UNC13C: variants seen among roughly 807,000 people sequenced by gnomAD.
UNC13C encodes the protein protein unc-13 homolog C.
In UNC13C, 174 loss-of-function variants were observed where a neutral mutation model predicts 245.4. The observed-to-expected ratio is 0.71, with a 90% confidence interval of 0.63 to 0.80. The LOEUF (loss-of-function observed/expected upper bound fraction) is 0.80, where lower values mean the gene tolerates loss of function less well. UNC13C is among the 30% of genes least tolerant of loss of function. The pLI, the probability that UNC13C is intolerant of heterozygous loss-of-function variation, is 0.00. For missense variants in UNC13C, 2,829 were observed against 2,602.9 expected (o/e 1.09, Z -1.89); for synonymous variants, 992 against 895.1 (o/e 1.11, Z -1.93).
rs577965999 is a variant in UNC13C, at chr15:54,162,844, C to G, written c.3071+19160C>G. 2.0e-5 allele frequency among the ~76,000 whole-genome samples: 3 copies of G among 152,188 alleles called. No homozygotes were observed. The East Asian group carries it at 5.8e-4, about 29-fold the overall frequency. ...TGAATAATCCCTTGTTAAAACTCAA[C>G]AAGATTAAGCATGAGGGTGAAATCA... On this transcript the variant is annotated intron_variant, in intron 4 of 32. Transcript: ENST00000260323.
intron 2 of UNC13C, among the ~76,000 whole-genome samples, chr15:54,109,789 G>T (rs180895003): frequency 2.3e-4 from 35 of 152,082 alleles, no homozygotes; most frequent in African/African-American, 8.4e-4. Flanking sequence ...GAGTTGCTGG[G>T]GTAGGGATGG....
At chr15:54,364,214 C>T (rs1226322045) in intron 17 of UNC13C, among the ~76,000 whole-genome samples, 5 of 152,018 alleles carry the variant, frequency 3.3e-5, no homozygotes, top group Non-Finnish European at 7.4e-5. Context: ...GATTACAAAA[C>T]ATGACATTTA....
intron 2 of UNC13C, among the ~76,000 whole-genome samples, chr15:54,028,564 C>T (rs1896215599): frequency 1.3e-5 from 2 of 152,156 alleles, no homozygotes; most frequent in African/African-American, 2.4e-5. Context: ...CCCTCATCTC[C>T]TGCGAGGCAA....
intron 26 of UNC13C, among the ~76,000 whole-genome samples, chr15:54,543,808 G>A (rs1447814576): frequency 3.3e-5 from 5 of 151,802 alleles, no homozygotes; most frequent in African/African-American, 4.8e-5. Flanking sequence ...AATTAATAAT[G>A]TACCAACCAA....
chr15:53,982,428 T>G (rs1474269051), intron 1 of UNC13C, among the ~76,000 whole-genome samples: 4 of 148,230 alleles, frequency 2.7e-5, no homozygotes, highest in Admixed American at 7.2e-5. Flanking sequence ...GGGTGGCTAT[T>G]TCCTTTATAG....
At chr15:54,100,755 C>G (rs1900121482) in intron 2 of UNC13C, among the ~76,000 whole-genome samples, 1 of 151,926 alleles carries the variant, frequency 6.6e-6, no homozygotes, top group Admixed American at 6.6e-5. Flanking sequence ...ATTTCAAAAC[C>G]TTTCTTTCTA....
At chr15:54,082,279 G>T (rs1460169790) in intron 2 of UNC13C, among the ~76,000 whole-genome samples, 1 of 152,030 alleles carries the variant, frequency 6.6e-6, no homozygotes, top group East Asian at 1.9e-4. Context: ...TATCTCGCAG[G>T]TGTTCTCTGA....
At chr15:54,443,860 A>G (rs555274452) in intron 19 of UNC13C, among the ~76,000 whole-genome samples, 2 of 152,204 alleles carry the variant, frequency 1.3e-5, no homozygotes, top group East Asian at 3.9e-4. Flanking sequence ...TATACTGATG[A>G]GAAGAATGTA....
chr15:53,901,159 A>C, the UNC13C span, among the ~76,000 whole-genome samples: 1 of 151,650 alleles, frequency 6.6e-6, no homozygotes, highest in Non-Finnish European at 1.5e-5. Context: ...TTATAAAAAG[A>C]ATTTCTCCAT....
chr15:54,219,995 G>A lies in UNC13C; in HGVS notation c.3072-15035G>A, dbSNP rs1298367736. On this transcript the variant is annotated intron_variant, in intron 4 of 32. Transcript: ENST00000260323. Reference sequence around the variant, plus strand: ...AAATAGGAACACTTTTACACCGTTGGTGGGACTGTAAACTAGTTCAACCAT... The same window carrying A: ...AAATAGGAACACTTTTACACCGTTGATGGGACTGTAAACTAGTTCAACCAT... Among the ~76,000 whole-genome samples, 236 of 143,118 alleles carry A rather than the reference G, an allele frequency of 1.6e-3. 1 individual carries two copies. The highest frequency in any genetic ancestry group is 6.6e-3 in the African/African-American group (228 of 34,786). 93.9% of individuals were successfully genotyped at this position (143,118 alleles called of 152,430 possible). A position where few individuals can be genotyped will look rare whatever the true frequency, so the allele number is the denominator to read the frequency against.
the UNC13C span, among the ~76,000 whole-genome samples, chr15:53,920,531 T>C: frequency 2.6e-5 from 4 of 152,074 alleles, no homozygotes; most frequent in Admixed American, 2.6e-4. Flanking sequence ...CCAGCCTGGG[T>C]GACAAGAGTG....
intron 2 of UNC13C, among the ~76,000 whole-genome samples, chr15:54,018,350 T>C (rs1895752567): frequency 6.6e-6 from 1 of 152,220 alleles, no homozygotes; most frequent in African/African-American, 2.4e-5. Context: ...GCTGTCAAAC[T>C]GTGGGATGCT....
Position 54,333,799 on chromosome 15 carries a change from G to C in UNC13C, c.4527G>C (p.Leu1509=). 6 of 1,606,552 alleles carry C rather than the reference G, an allele frequency of 3.7e-6. No homozygotes were observed. Among genetic ancestry groups the C allele is most frequent in the Non-Finnish European group, 5.1e-6 (6 of 1,176,012 alleles). ...TTCCTGCAAGCAATACTGAAAGACT[G>C]CAAGACCTGAAATCAACTGTTGACC... ...ENFPASNTER[L]QDLKSTVDLL... The change falls in exon 16 of 33, where the codon CTG becomes CTC. Residue 1509 remains leucine (L), a synonymous_variant. Coordinates refer to ENST00000260323, the MANE Select transcript of UNC13C (RefSeq NM_001080534.3).
At chr15:54,172,709 TATATATATATATATATATA>T (rs1300460883) in intron 4 of UNC13C, among the ~76,000 whole-genome samples, 2,637 of 54,194 alleles carry the variant, frequency 0.049, 157 homozygotes, top group East Asian at 0.075. Flanking sequence ...CACAGATATA[TATATATATATATATATATA>T]TATATATATA....
At chr15:54,268,010 A>G (rs1482861606) in intron 10 of UNC13C, among the ~76,000 whole-genome samples, 1 of 151,836 alleles carries the variant, frequency 6.6e-6, no homozygotes, top group Non-Finnish European at 1.5e-5. Flanking sequence ...GGTTTGTTAC[A>G]TAGGTATACA....
intron 2 of UNC13C, among the ~76,000 whole-genome samples, chr15:54,106,623 C>T (rs1900460581): frequency 6.6e-6 from 1 of 152,178 alleles, no homozygotes; most frequent in Non-Finnish European, 1.5e-5. Context: ...CCTTCATTTT[C>T]TGTTCCATGT....
intron 17 of UNC13C, among the ~76,000 whole-genome samples, chr15:54,369,849 A>G (rs189693231): frequency 1.3e-5 from 2 of 152,290 alleles, no homozygotes; most frequent in East Asian, 3.9e-4. Context: ...GTCTTCTAAT[A>G]ACGCATCTCG....
intron 1 of UNC13C, among the ~76,000 whole-genome samples, chr15:53,982,817 C>G (rs547018087): frequency 1.3e-5 from 2 of 152,114 alleles, no homozygotes; most frequent in African/African-American, 2.4e-5. Context: ...AAGATCGCTT[C>G]TAGTTCCTCA....
At chr15:54,236,511 A>C (rs1172398145) in intron 6 of UNC13C, 76 bp downstream of exon 6, 1 of 1,117,042 alleles carries the variant, frequency 9.0e-7, no homozygotes, top group Non-Finnish European at 1.3e-6. Flanking sequence ...CATGGGGTAA[A>C]AGAGGGCAAG....
Sources: allele counts gnomAD v4.1 joint callset (sites outside exome capture counted in the v4.1 genomes callset), GRCh38; gene constraint gnomAD v4.1.1; transcripts MANE v1.5; gene names NCBI Gene and HGNC (gene_info 2026-07-23, HGNC 2026-07-21).